The following AGBL1 variants were observed in gnomAD, a reference collection of about 807,000 sequenced individuals.
AGBL1 encodes the protein AGBL carboxypeptidase 1.
Under a neutral mutation model 118.9 loss-of-function variants are expected in AGBL1, and 130 were observed. That is an observed-to-expected ratio of 1.09 (90% confidence interval 0.95 to 1.26). AGBL1 has a LOEUF of 1.26. Ranked by LOEUF, AGBL1 falls within the 50% of genes most tolerant of loss-of-function variation. The pLI is 0.00. For synonymous variants in AGBL1, 555 were observed against 478.9 expected, an observed-to-expected ratio of 1.16 and a Z score of -2.08; for missense variants, 1,584 against 1,298.1, an observed-to-expected ratio of 1.22 and a Z score of -3.38.
intron 21 of AGBL1, among the ~76,000 whole-genome samples, chr15:86,651,457 T>A (rs2447247): frequency 6.6e-6 from 1 of 152,144 alleles, no homozygotes; most frequent in Non-Finnish European, 1.5e-5. Context: ...GGCATGGCTT[T>A]CCTTGCTGTG....
intron 21 of AGBL1, among the ~76,000 whole-genome samples, chr15:86,644,407 G>A (rs2085242997): frequency 6.6e-6 from 1 of 152,040 alleles, no homozygotes; most frequent in Admixed American, 6.5e-5. Flanking sequence ...TAATATGTGA[G>A]CACACACTCA....
At chr15:86,669,227 T>G (rs1252133350) in intron 21 of AGBL1, among the ~76,000 whole-genome samples, 2 of 152,032 alleles carry the variant, frequency 1.3e-5, no homozygotes, top group Non-Finnish European at 2.9e-5. Flanking sequence ...GCAGGAATAA[T>G]CAGGTATGAT....
At chr15:86,180,253 A>T (rs1335646417) in intron 5 of AGBL1, among the ~76,000 whole-genome samples, 1 of 152,116 alleles carries the variant, frequency 6.6e-6, no homozygotes, top group Non-Finnish European at 1.5e-5. Context: ...GCAAATTTGA[A>T]AAAAAAGAAC....
At chr15:86,299,379 G>A (rs573733802) in intron 17 of AGBL1, among the ~76,000 whole-genome samples, 87 of 152,234 alleles carry the variant, frequency 5.7e-4, no homozygotes, top group African/African-American at 2.1e-3. Flanking sequence ...TGGCATCAGG[G>A]ACTCTGAGTG....
intron 19 of AGBL1, among the ~76,000 whole-genome samples, chr15:86,529,807 C>T (rs2083323612): frequency 6.6e-6 from 1 of 151,280 alleles, no homozygotes; most frequent in Non-Finnish European, 1.5e-5. Flanking sequence ...CAATATTCAA[C>T]ATTCTTAAAG....
intron 1 of AGBL1, among the ~76,000 whole-genome samples, chr15:86,121,776 T>G (rs1359627551): frequency 6.6e-6 from 1 of 152,190 alleles, no homozygotes; most frequent in African/African-American, 2.4e-5. Flanking sequence ...GGTTAATCTT[T>G]GAACACACTC....
downstream of AGBL1, among the ~76,000 whole-genome samples, chr15:86,920,467 G>A (rs1567240842): frequency 6.6e-6 from 1 of 152,184 alleles, no homozygotes. Context: ...TATAATCACA[G>A]GAGTGAAATC....
At chr15:86,218,005 G>C (rs1042237926) in intron 5 of AGBL1, among the ~76,000 whole-genome samples, 1 of 152,106 alleles carries the variant, frequency 6.6e-6, no homozygotes, top group Non-Finnish European at 1.5e-5. Flanking sequence ...AGCAGTAGTT[G>C]GGTGAGAGAT....
intron 23 of AGBL1, among the ~76,000 whole-genome samples, chr15:86,987,360 G>A (rs2081295769): frequency 6.6e-6 from 1 of 152,156 alleles, no homozygotes; most frequent in South Asian, 2.1e-4. Context: ...GCATACATAA[G>A]TGTATCTAGT....
intron 20 of AGBL1, among the ~76,000 whole-genome samples, chr15:86,552,210 T>C (rs2083672718): frequency 6.6e-6 from 1 of 152,122 alleles, no homozygotes; most frequent in South Asian, 2.1e-4. Context: ...GATGTCAATG[T>C]TGAGGGAGTC....
intron 23 of AGBL1, among the ~76,000 whole-genome samples, chr15:86,984,589 C>T (rs2081263325): frequency 1.3e-5 from 2 of 152,194 alleles, no homozygotes; most frequent in African/African-American, 2.4e-5. Flanking sequence ...TCGTCTTGAA[C>T]ACCTGACCTT....
At chr15:86,698,601 C>G (rs1473981743) in intron 22 of AGBL1, among the ~76,000 whole-genome samples, 1 of 149,518 alleles carries the variant, frequency 6.7e-6, no homozygotes, top group East Asian at 2.0e-4. Flanking sequence ...GTATATAGTG[C>G]TGATCATTGT....
At chr15:86,659,959 C>T (rs1471670480) in intron 21 of AGBL1, among the ~76,000 whole-genome samples, 1 of 151,962 alleles carries the variant, frequency 6.6e-6, no homozygotes, top group African/African-American at 2.4e-5. Flanking sequence ...TTATTACTTC[C>T]CTGCTCATGG....
chr15:86,499,673 AATG>A (rs1354963112), intron 18 of AGBL1, among the ~76,000 whole-genome samples: 1 of 151,832 alleles, frequency 6.6e-6, no homozygotes, highest in Non-Finnish European at 1.5e-5. Context: ...GGTCCCATAG[AATG>A]AGGTTTTAAG....
At chr15:86,681,470 G>C (rs1173682592) in intron 22 of AGBL1, among the ~76,000 whole-genome samples, 3 of 152,126 alleles carry the variant, frequency 2.0e-5, no homozygotes, top group Non-Finnish European at 1.5e-5. Context: ...CCTGTGGCTA[G>C]TCATTCCCCT....
At chr15:86,166,038 G>A (rs2077336969) in intron 5 of AGBL1, among the ~76,000 whole-genome samples, 1 of 152,122 alleles carries the variant, frequency 6.6e-6, no homozygotes, top group South Asian at 2.1e-4. Flanking sequence ...CAAGTTGTAG[G>A]ATCTAAAGTT....
At chr15:86,486,120 T>A (rs1433273401) in intron 18 of AGBL1, among the ~76,000 whole-genome samples, 5 of 152,104 alleles carry the variant, frequency 3.3e-5, no homozygotes, top group Non-Finnish European at 7.4e-5. Flanking sequence ...AATTATATAA[T>A]GGCTGGCTGA....
intron 20 of AGBL1, among the ~76,000 whole-genome samples, chr15:86,550,219 G>A (rs1401617662): frequency 6.6e-6 from 1 of 151,240 alleles, no homozygotes; most frequent in East Asian, 1.9e-4. Flanking sequence ...AGTATAGGAG[G>A]AACAAAACAT....
chr15:86,901,018 C>T (rs1403531764), intron 22 of AGBL1, among the ~76,000 whole-genome samples: 1 of 151,800 alleles, frequency 6.6e-6, no homozygotes, highest in African/African-American at 2.4e-5. Flanking sequence ...TTTTTTAATC[C>T]CCATATTCTT....
Sources: gnomAD v4.1 joint callset for allele counts (sites outside exome capture counted in the v4.1 genomes callset) on GRCh38, gnomAD v4.1.1 for gene constraint, MANE v1.5 for transcripts, NCBI Gene and HGNC (gene_info 2026-07-23, HGNC 2026-07-21) for gene names.